The following DSCC1 variants were observed in gnomAD, a reference collection of about 807,000 sequenced individuals.
The protein encoded by DSCC1 is sister chromatid cohesion protein DCC1.
A neutral mutation model predicts 48.2 loss-of-function variants in DSCC1; 32 were observed. The ratio of observed to expected loss-of-function variants is 0.66; its 90% confidence interval spans 0.50 to 0.89. The LOEUF is 0.89. Ranked by LOEUF, DSCC1 falls within the 40% of genes least tolerant of loss-of-function variation. The probability of loss-of-function intolerance (pLI) is 0.00; values close to 1 mark genes in which losing one functional copy is unlikely to be tolerated. For missense variants in DSCC1, 421 were observed against 471.7 expected (o/e 0.89, Z 1.00); for synonymous variants, 150 against 171.5 (o/e 0.87, Z 0.98).
At chr8:119,853,948 G>A (rs1355328691) in intron 1 of DSCC1, among the ~76,000 whole-genome samples, 1 of 152,250 alleles carries the variant, frequency 6.6e-6, no homozygotes, top group East Asian at 1.9e-4. Flanking sequence ...AGTGGCTCAT[G>A]CCTGTAATCC....
Position 119,853,108 on chromosome 8 carries a change from C to A in DSCC1, c.290G>T (p.Gly97Val), listed in dbSNP as rs1826964733. 3 of 1,613,798 alleles carry A rather than the reference C, an allele frequency of 1.9e-6. No homozygotes were observed. In the African/African-American group the frequency reaches 4.0e-5, roughly 22 times the overall value. ...DTSNMLLFIPGCKTPDQLKKE... is the reference protein window; with the variant it reads ...DTSNMLLFIPVCKTPDQLKKE... ...CTTCAACTGGTCCGGAGTTTTACAACCAGGAATGAAAAGCAACATATTGGA... is the reference window on the plus strand; with the variant it reads ...CTTCAACTGGTCCGGAGTTTTACAAACAGGAATGAAAAGCAACATATTGGA... Residue 97 changes from glycine to valine, a missense_variant, in exon 2 of 9, where the codon GGT (glycine) becomes GTT (valine). Gly to Val is a moderately radical substitution (Grantham distance 109). Transcript: ENST00000313655.
chr8:119,837,116 G>A (rs1188517541), intron 8 of DSCC1, among the ~76,000 whole-genome samples: 1 of 152,196 alleles, frequency 6.6e-6, no homozygotes, highest in Non-Finnish European at 1.5e-5. Flanking sequence ...TCTTATGAAG[G>A]AGAGCAAAGG....
Position 119,853,129 on chromosome 8 carries a change from T to C in DSCC1, c.269A>G (p.Asn90Ser). Residue 90 changes from asparagine (N) to serine (S), a missense_variant, in exon 2 of 9, where the codon AAT becomes AGT. By Grantham distance (46) the Asn-to-Ser change is conservative. Coordinates refer to ENST00000313655, the MANE Select transcript of DSCC1 (RefSeq NM_024094.3). Reference sequence around the variant, plus strand: ...ACAACCAGGAATGAAAAGCAACATATTGGAAGTGTCTGCTATCTTCAAGTC... The same window carrying C: ...ACAACCAGGAATGAAAAGCAACATACTGGAAGTGTCTGCTATCTTCAAGTC... ...TYDLKIADTS[N>S]MLLFIPGCKT... is the part of the protein sequence containing the mutation. The C allele has an allele frequency of 6.2e-7, 1 of 1,614,090 alleles. No individual in the cohort carries two copies. Among genetic ancestry groups the C allele is most frequent in the East Asian group, 2.2e-5 (1 of 44,874 alleles).
chr8:119,838,580 A>G (rs1412915974), intron 7 of DSCC1, among the ~76,000 whole-genome samples, 173 bp from the exon 8 acceptor site: 2 of 152,200 alleles, frequency 1.3e-5, no homozygotes, highest in African/African-American at 4.8e-5. Context: ...GAGCTCCTTT[A>G]AGCAGTGACT....
At position 119,843,521 on chromosome 8, in the gene DSCC1, A is replaced by G. The variant is rs115021985; in HGVS notation, c.716+88T>C. The G allele has an allele frequency of 2.9e-3, 4,238 of 1,452,406 alleles. 105 individuals carry two copies. In the African/African-American group the frequency reaches 0.053, roughly 18 times the overall value. 90.0% of individuals were successfully genotyped at this position (1,452,406 alleles called of 1,614,324 possible). ...AAAGATATCAAAATACAATGATTGT[A>G]GTTTATGCCCTGGGTTTAATTCCAA... is the stretch of plus-strand genomic sequence containing the variant. On this transcript the variant is annotated intron_variant, in intron 5 of 8. Transcript: ENST00000313655.
At chr8:119,844,300 G>T (rs1445795063) in intron 4 of DSCC1, among the ~76,000 whole-genome samples, 2 of 152,008 alleles carry the variant, frequency 1.3e-5, no homozygotes, top group South Asian at 4.2e-4. Context: ...TTAGCTGGGC[G>T]TGGTGGTGCA....
Position 119,847,890 on chromosome 8 carries a change from C to G in DSCC1, c.487-810G>C, listed in dbSNP as rs960255187. Among the ~76,000 whole-genome samples, 136 of 152,124 alleles carry G rather than the reference C, an allele frequency of 8.9e-4. 1 individual carries two copies. The highest frequency in any genetic ancestry group is 3.1e-3 in the African/African-American group (127 of 41,518). ...GTGTAGGTCAGGCTGGTCTCGAACT[C>G]CCGACCTCAGGTGATCTGCCCGCCT... On this transcript the variant is annotated intron_variant, in intron 3 of 8. Transcript: ENST00000313655.
intron 4 of DSCC1, among the ~76,000 whole-genome samples, chr8:119,845,666 G>C (rs1826845768): frequency 6.6e-6 from 1 of 150,676 alleles, no homozygotes; most frequent in South Asian, 2.1e-4. Context: ...AAAAGCTTTA[G>C]GGCTGGGCAC....
chr8:119,852,903 G>A, intron 2 of DSCC1, 144 bp downstream of exon 2: 5 of 643,806 alleles, frequency 7.8e-6, no homozygotes, highest in Non-Finnish European at 1.2e-5. Flanking sequence ...TAATAATAAT[G>A]CTGAGAAATT....
intron 1 of DSCC1, among the ~76,000 whole-genome samples, chr8:119,853,909 A>G (rs1232952359): frequency 1.3e-5 from 2 of 152,242 alleles, no homozygotes; most frequent in African/African-American, 4.8e-5. Flanking sequence ...AGACTTTGAC[A>G]AAGGGATTTT....
rs757135613 is a variant in DSCC1, at chr8:119,850,470, G to T, written c.398C>A (p.Pro133His). The change falls in exon 3 of 9, where the codon CCC (proline) becomes CAC (histidine). Residue 133 changes from proline (P) to histidine (H), a missense_variant. Physicochemically the swap from Pro to His is moderately conservative, Grantham distance 77 (BLOSUM62 -2). Coordinates refer to ENST00000313655, the MANE Select transcript of DSCC1 (RefSeq NM_024094.3). ...AAGTTTCTTTAGCTTCTTTAACTTG[G>T]GTCTACGTCTTCTTAATTCCCAATA... ...NNYWELRRRR[P>H]KLKKLKKLLM... 1 of 1,591,688 alleles carries T rather than the reference G, an allele frequency of 6.3e-7. No homozygotes were observed. Among genetic ancestry groups the T allele is most frequent in the South Asian group, 1.2e-5 (1 of 86,548 alleles).
At chr8:119,850,324 T>C in intron 3 of DSCC1, 58 bp downstream of exon 3, 1 of 1,473,542 alleles carries the variant, frequency 6.8e-7, no homozygotes. Context: ...ATGTGACTAT[T>C]AAGTGCCTCT....
At chr8:119,845,792 C>A (rs773096711) in intron 4 of DSCC1, among the ~76,000 whole-genome samples, 1 of 151,954 alleles carries the variant, frequency 6.6e-6, no homozygotes, top group Non-Finnish European at 1.5e-5. Context: ...CTACCAAAAA[C>A]ACAAAAATTA....
At chr8:119,843,526 A>G in intron 5 of DSCC1, 83 bp downstream of exon 5, 1 of 1,477,320 alleles carries the variant, frequency 6.8e-7, no homozygotes, top group Non-Finnish European at 9.1e-7. Flanking sequence ...ATTGTAGTTT[A>G]TGCCCTGGGT....
chr8:119,850,336 A>G (rs774377772), intron 3 of DSCC1, 46 bp downstream of exon 3: 2 of 1,524,268 alleles, frequency 1.3e-6, no homozygotes, highest in Non-Finnish European at 1.8e-6. Context: ...AGTGCCTCTG[A>G]TTATAGTTGT....
intron 4 of DSCC1, among the ~76,000 whole-genome samples, chr8:119,845,365 A>C (rs1826841103): frequency 6.6e-6 from 1 of 152,136 alleles, no homozygotes; most frequent in Non-Finnish European, 1.5e-5. Flanking sequence ...GACTACAGGC[A>C]TGAGCCACTA....
At chr8:119,850,280 A>C (rs1346628000) in intron 3 of DSCC1, 102 bp downstream of exon 3, 1 of 1,201,248 alleles carries the variant, frequency 8.3e-7, no homozygotes, top group Non-Finnish European at 1.1e-6. Context: ...AAGCATTTAT[A>C]ACAGCTATAT....
Position 119,855,877 on chromosome 8 carries a change from A to G in DSCC1, c.-82T>C. 1 of 1,386,808 alleles carries G rather than the reference A, an allele frequency of 7.2e-7. No homozygotes were observed. The highest frequency in any genetic ancestry group is 2.7e-4 in the Middle Eastern group (1 of 3,758). 85.9% of individuals were successfully genotyped at this position (1,386,808 alleles called of 1,614,324 possible). A position where few individuals can be genotyped will look rare whatever the true frequency, so the allele number is the denominator to read the frequency against. Reference sequence around the variant, plus strand: ...AAGAAAGAAGTTCCCAAGCAGCCGGAAGGTAGGAAACCTGAGCGTTTGAAA... The same window carrying G: ...AAGAAAGAAGTTCCCAAGCAGCCGGGAGGTAGGAAACCTGAGCGTTTGAAA... On this transcript the variant is annotated 5_prime_UTR_variant, in exon 1 of 9. Transcript: ENST00000313655.
At chr8:119,836,228 C>G (rs7833706) in intron 8 of DSCC1, among the ~76,000 whole-genome samples, 108,096 of 152,000 alleles carry the variant, frequency 0.71, 38,596 homozygotes, top group Middle Eastern at 0.85. Context: ...CAGGAGAATC[C>G]CTTAAACTCG....
Sources: allele counts gnomAD v4.1 joint callset (sites outside exome capture counted in the v4.1 genomes callset), GRCh38; gene constraint gnomAD v4.1.1; transcripts MANE v1.5; gene names NCBI Gene and HGNC (gene_info 2026-07-23, HGNC 2026-07-21).